Variants in FBXL16 observed in about 807,000 individuals in gnomAD.
The protein encoded by FBXL16 is F-box and leucine rich repeat protein 16.
In FBXL16, 7 loss-of-function variants were observed where a neutral mutation model predicts 36.7. The observed-to-expected ratio is 0.19, with a 90% CI of 0.11 to 0.36. The LOEUF (loss-of-function observed/expected upper bound fraction) is 0.36, where lower values mean the gene tolerates loss of function less well. FBXL16 is among the 10% of genes least tolerant of loss of function. The pLI is 1.00. For synonymous variants in FBXL16, 355 were observed against 308.7 expected (o/e 1.15, Z -1.57); for missense variants, 463 against 659.4 (o/e 0.70, Z 3.26).
chr16:697,334 C>G lies in FBXL16; in HGVS notation c.72G>C (p.Pro24=). 6.5e-7 allele frequency: 1 copy of G among 1,535,748 alleles called. No individual in the cohort carries two copies. The highest frequency in any genetic ancestry group is 8.7e-7 in the Non-Finnish European group (1 of 1,146,828). The change falls in exon 2 of 6, where the codon CCG becomes CCC. Residue 24 remains proline, a synonymous_variant. Coordinates refer to ENST00000397621, the MANE Select transcript of FBXL16 (RefSeq NM_153350.4). The surrounding 1 kb of genome is among the most constrained non-coding windows in gnomAD (Gnocchi z 4.6). ...CCGCACCCAGGCCGTTGGGCTGGCC[C>G]GGCAGCTTCACCAGACCGTTTCGAG... ...CLPRNGLVKL[P]GQPNGLGAAS...
At chr16:698,913 C>CAAAAAAAAAAAAAAA (rs767619638) in intron 1 of FBXL16, among the ~76,000 whole-genome samples, 1 of 89,732 alleles carries the variant, frequency 1.1e-5, no homozygotes, top group African/African-American at 4.1e-5. Flanking sequence ...GACTTTGTCT[C>CAAAAAAAAAAAAAAA]AAAAAAAAAA....
At chr16:695,327 GCC>G in intron 3 of FBXL16, 86 bp downstream of exon 3, 1 of 1,017,126 alleles carries the variant, frequency 9.8e-7, no homozygotes, top group Non-Finnish European at 1.2e-6. Flanking sequence ...GGAAGCCCCC[GCC>G]CCCGGCCCCG....
intron 1 of FBXL16, among the ~76,000 whole-genome samples, chr16:698,249 C>T (rs1428223669): frequency 6.6e-6 from 1 of 152,040 alleles, no homozygotes; most frequent in Non-Finnish European, 1.5e-5. Flanking sequence ...GTGATCCACC[C>T]GCCTCAGCCT....
At chr16:698,452 T>G (rs959541656) in intron 1 of FBXL16, among the ~76,000 whole-genome samples, 1 of 152,216 alleles carries the variant, frequency 6.6e-6, no homozygotes, top group African/African-American at 2.4e-5. Context: ...TGCCGTCCAC[T>G]GTAGGTACCC....
chr16:704,457 G>A (rs1206474641), intron 1 of FBXL16, among the ~76,000 whole-genome samples: 2 of 152,222 alleles, frequency 1.3e-5, no homozygotes, highest in Non-Finnish European at 2.9e-5. Flanking sequence ...GCTGGGCCTT[G>A]AATTTCCCTC....
At position 695,013 on chromosome 16, in the gene FBXL16, G is replaced by A. The variant is rs1481044011; in HGVS notation, c.1206C>T (p.Leu402=). 2 of 1,560,202 alleles carry A rather than the reference G, an allele frequency of 1.3e-6. No homozygotes were observed. Among genetic ancestry groups the A allele is most frequent in the African/African-American group, 1.4e-5 (1 of 73,666 alleles). ...YLSTMSSLRS[L]YLRWCCQVQD... is the part of the protein sequence containing the mutation. The stretch of plus-strand genomic sequence containing the variant: ...GTACCTGGCAGCACCATCGCAGGTA[G>A]AGGCTGCGGAGGGACGACATGGTGG... The change falls in exon 4 of 6, where the codon CTC becomes CTT. Residue 402 remains leucine (L), a synonymous_variant. Coordinates refer to ENST00000397621, the MANE Select transcript of FBXL16 (RefSeq NM_153350.4).
rs1215281045 is a variant in FBXL16 at position 694,442 on chromosome 16, G to T, written c.1292-19C>A. ...GGGCAGCCTGCGGCGGGGTCAGAGG[G>T]CGGCTCAGTGCGCGCGGCCCAGGGC... On this transcript the variant is annotated intron_variant, in intron 5 of 5. Coordinates refer to ENST00000397621, the MANE Select transcript of FBXL16 (RefSeq NM_153350.4). The T allele has an allele frequency of 6.5e-7, 1 of 1,533,512 alleles. No homozygotes were observed. Among genetic ancestry groups the T allele is most frequent in the Admixed American group, 2.3e-5 (1 of 44,000 alleles). 95.0% of individuals were successfully genotyped at this position (1,533,512 alleles called of 1,614,324 possible).
chr16:692,539 G>A lies in FBXL16; in HGVS notation c.*1736C>T, dbSNP rs1165413851. The A allele has an allele frequency of 6.6e-6, 1 of 152,330 alleles. No homozygotes were observed. Among genetic ancestry groups the A allele is most frequent in the African/African-American group, 2.4e-5 (1 of 41,404 alleles). 9.4% of individuals were successfully genotyped at this position (152,330 alleles called of 1,614,324 possible). On this transcript the variant is annotated 3_prime_UTR_variant, in exon 6 of 6. Coordinates refer to ENST00000397621, the MANE Select transcript of FBXL16 (RefSeq NM_153350.4). Reference sequence around the variant, plus strand: ...TTTTAATATATATTTTTATAAACAGGTCACGTGATAAAATAGCACAAGAAA... The same window carrying A: ...TTTTAATATATATTTTTATAAACAGATCACGTGATAAAATAGCACAAGAAA...
At chr16:699,664 A>G (rs1181391118) in intron 1 of FBXL16, among the ~76,000 whole-genome samples, 2 of 152,166 alleles carry the variant, frequency 1.3e-5, no homozygotes, top group Non-Finnish European at 2.9e-5. Flanking sequence ...AGCAAGATGC[A>G]TCTTCCCCGG....
chr16:701,006 A>G (rs1479298462), intron 1 of FBXL16, among the ~76,000 whole-genome samples: 4 of 152,198 alleles, frequency 2.6e-5, no homozygotes, highest in African/African-American at 9.6e-5. Context: ...ATCCCGGCGC[A>G]GTGCCGATTT....
At position 697,229 on chromosome 16, in the gene FBXL16, G is replaced by C; in HGVS notation, c.177C>G (p.Ser59Arg). 1 of 1,493,036 alleles carries C rather than the reference G, an allele frequency of 6.7e-7. No homozygotes were observed. Among genetic ancestry groups the C allele is most frequent in the East Asian group, 2.5e-5 (1 of 40,372 alleles). 92.5% of individuals were successfully genotyped at this position (1,493,036 alleles called of 1,614,324 possible). ...CAGCCCGGGACAGTGGAGCAGCCAG[G>C]CTGGGTGGTGGGAGGGTGGGTGGGG... is the stretch of plus-strand genomic sequence containing the variant. ...PPPPPTLPPP[S>R]LAAPLSRAAL... Residue 59 changes from serine (S) to arginine (R), a missense_variant, in exon 2 of 6, where the codon AGC (serine) becomes AGG (arginine). Around this residue, in one of 3 missense-constraint regions of FBXL16, gnomAD observed 263 missense variants for 341.1 expected, o/e 0.77. Transcript: ENST00000397621. This position sits in a 1 kb window ranked among gnomAD's most constrained non-coding sequence, Gnocchi z 4.6.
Position 692,591 on chromosome 16 carries a change from T to C in FBXL16, c.*1684A>G, listed in dbSNP as rs1259599402. On this transcript the variant is annotated 3_prime_UTR_variant, in exon 6 of 6. Coordinates refer to ENST00000397621, the MANE Select transcript of FBXL16 (RefSeq NM_153350.4). ...ACTTACCAAATATAAGGTTATATCT[T>C]CCGCATATACAGGAGAATGAGGTCG... The C allele has an allele frequency of 1.3e-5, 2 of 152,506 alleles. No individual in the cohort carries two copies. The highest frequency in any genetic ancestry group is 3.8e-4 in the East Asian group (2 of 5,200). The allele number at this position is 152,506 out of a possible 1,614,324, so 9.4% of individuals were successfully genotyped here.
At chr16:700,194 C>T (rs1430711027) in intron 1 of FBXL16, among the ~76,000 whole-genome samples, 1 of 152,086 alleles carries the variant, frequency 6.6e-6, no homozygotes, top group Non-Finnish European at 1.5e-5. Context: ...CCAGGGGTCT[C>T]GCCAGAACAC....
chr16:705,245 C>T (rs1596577724), intron 1 of FBXL16, among the ~76,000 whole-genome samples: 1 of 152,172 alleles, frequency 6.6e-6, no homozygotes, highest in East Asian at 1.9e-4. Context: ...CCAGGAGGCA[C>T]GGACCCCCAG....
chr16:695,979 G>A (rs2040008464), intron 2 of FBXL16, 56 bp from the exon 3 acceptor site: 3 of 1,527,860 alleles, frequency 2.0e-6, no homozygotes, highest in Non-Finnish European at 2.6e-6. Flanking sequence ...GAGCCCGCAG[G>A]GAGGAAGCAG....
chr16:694,819 G>T (rs1440684810), intron 4 of FBXL16, 122 bp from the exon 5 acceptor site: 1 of 1,313,044 alleles, frequency 7.6e-7, no homozygotes, highest in Non-Finnish European at 1.1e-6. Context: ...CCGGAGCCGG[G>T]AGGCGGCTGG....
intron 1 of FBXL16, among the ~76,000 whole-genome samples, chr16:698,580 C>T (rs958567961): frequency 6.6e-6 from 1 of 152,198 alleles, no homozygotes; most frequent in African/African-American, 2.4e-5. Flanking sequence ...GGTGCTGACT[C>T]TGCAGCCACC....
chr16:703,263 G>A (rs1006180232), intron 1 of FBXL16, among the ~76,000 whole-genome samples: 1 of 152,138 alleles, frequency 6.6e-6, no homozygotes, highest in African/African-American at 2.4e-5. Context: ...GCTGCACACC[G>A]CGTGCCCACC....
Position 694,975 on chromosome 16 carries a change from G to A in FBXL16, c.1227+17C>T. The A allele has an allele frequency of 6.6e-7, 1 of 1,524,916 alleles. No homozygotes were observed. Among genetic ancestry groups the A allele is most frequent in the Non-Finnish European group, 8.8e-7 (1 of 1,132,982 alleles). The allele number at this position is 1,524,916 out of a possible 1,614,324, so 94.5% of individuals were successfully genotyped here. A position where few individuals can be genotyped will look rare whatever the true frequency, so the allele number is the denominator to read the frequency against. On this transcript the variant is annotated intron_variant, in intron 4 of 5. Transcript: ENST00000397621. ...CTCCCCGCCGATCCCCCAATCCCGG[G>A]GCGTGAGAGCCGGTACCTGGCAGCA...
Sources: gnomAD v4.1 joint callset for allele counts (sites outside exome capture counted in the v4.1 genomes callset) on GRCh38, gnomAD v4.1.1 for gene constraint, gnomAD v4.1.1 regional missense constraint, Gnocchi (gnomAD v3.1) non-coding constraint, MANE v1.5 for transcripts, NCBI Gene and HGNC (gene_info 2026-07-23, HGNC 2026-07-21) for gene names.